PTPRD: variants seen among roughly 807,000 people sequenced by gnomAD.
PTPRD encodes protein tyrosine phosphatase receptor type D, also known as receptor-type tyrosine-protein phosphatase delta.
In PTPRD, 34 loss-of-function variants were observed where a neutral mutation model predicts 214.5. That is an observed-to-expected ratio of 0.16 (90% confidence interval 0.12 to 0.21). PTPRD has a LOEUF of 0.21. Ranked by LOEUF, PTPRD falls within the 10% of genes least tolerant of loss-of-function variation. PTPRD has a pLI of 1.00. For missense variants in PTPRD, 2,545 were observed against 2,398.7 expected (o/e 1.06, Z -1.27); for synonymous variants, 1,128 against 845.7 (o/e 1.33, Z -5.79).
At chr9:10,082,980 A>G (rs2098268785) in intron 3 of PTPRD, among the ~76,000 whole-genome samples, 1 of 152,022 alleles carries the variant, frequency 6.6e-6, no homozygotes, top group South Asian at 2.1e-4. Context: ...AGCCACAACA[A>G]AGACTCAAAA....
rs147590253 is a variant in PTPRD, at chr9:10,096,238, G to A, written c.-544-62448C>T. 9.1e-4 allele frequency among the ~76,000 whole-genome samples: 138 copies of A among 151,760 alleles called. No homozygotes were observed. The Middle Eastern group carries it at 0.01, about 11-fold the overall frequency. ...AGGAAAAGTTACTAAGATATAAATT[G>A]AGATACATATCTGCAATTCTCTTTC... On this transcript the variant is annotated intron_variant, in intron 3 of 45. Coordinates refer to ENST00000381196, the MANE Select transcript of PTPRD (RefSeq NM_002839.4).
chr9:8,843,253 CAA>C (rs899854344), intron 11 of PTPRD, among the ~76,000 whole-genome samples: 1 of 152,186 alleles, frequency 6.6e-6, no homozygotes, highest in African/African-American at 2.4e-5. Context: ...GGTACAAAAT[CAA>C]AGAGTTTGTC....
At chr9:10,455,157 C>T (rs1049704055) in intron 2 of PTPRD, among the ~76,000 whole-genome samples, 1 of 151,724 alleles carries the variant, frequency 6.6e-6, no homozygotes, top group African/African-American at 2.4e-5. Flanking sequence ...TTGACACAAA[C>T]TGATGATGTA....
intron 9 of PTPRD, among the ~76,000 whole-genome samples, chr9:9,378,581 G>A (rs2061398435): frequency 6.6e-6 from 1 of 152,104 alleles, no homozygotes; most frequent in African/African-American, 2.4e-5. Context: ...AGTTTTGTAA[G>A]AAACTGCAAG....
intron 5 of PTPRD, among the ~76,000 whole-genome samples, chr9:9,888,759 C>T (rs2153766120): frequency 6.6e-6 from 1 of 152,146 alleles, no homozygotes; most frequent in African/African-American, 2.4e-5. Context: ...TTGTAAATTG[C>T]CCAGCCTCAA....
At chr9:9,241,792 T>A (rs1185733227) in intron 9 of PTPRD, among the ~76,000 whole-genome samples, 2 of 151,868 alleles carry the variant, frequency 1.3e-5, no homozygotes, top group African/African-American at 4.8e-5. Flanking sequence ...TCTTGACTCT[T>A]TATCCAATTT....
At chr9:9,877,198 T>C (rs373458335) in intron 5 of PTPRD, among the ~76,000 whole-genome samples, 2 of 152,216 alleles carry the variant, frequency 1.3e-5, no homozygotes, top group South Asian at 4.1e-4. Flanking sequence ...TAGTGAGTCA[T>C]GCATCTCCTG....
At chr9:8,656,510 A>T (rs1470218780) in intron 12 of PTPRD, among the ~76,000 whole-genome samples, 1 of 152,084 alleles carries the variant, frequency 6.6e-6, no homozygotes, top group Non-Finnish European at 1.5e-5. Context: ...CAGCTTCAGG[A>T]CCCTTTCCTT....
At chr9:10,240,928 T>A (rs1236222084) in intron 3 of PTPRD, among the ~76,000 whole-genome samples, 1 of 151,332 alleles carries the variant, frequency 6.6e-6, no homozygotes, top group East Asian at 2.0e-4. Context: ...TTCAATTCAA[T>A]ATACAAATTA....
intron 10 of PTPRD, among the ~76,000 whole-genome samples, chr9:9,155,761 A>G (rs147489077): frequency 6.6e-6 from 1 of 152,310 alleles, no homozygotes; most frequent in Non-Finnish European, 1.5e-5. Context: ...AAGAGGTAAC[A>G]CTGCAGTCCT....
At chr9:8,891,374 C>G (rs926409769) in intron 11 of PTPRD, among the ~76,000 whole-genome samples, 1 of 151,760 alleles carries the variant, frequency 6.6e-6, no homozygotes, top group East Asian at 1.9e-4. Flanking sequence ...CCTCGTGATC[C>G]GCCCGCCTCG....
At chr9:8,317,976 A>G (rs201373884) in intron 45 of PTPRD, 34 bp from the exon 46 acceptor site, 2 of 1,583,136 alleles carry the variant, frequency 1.3e-6, no homozygotes, top group Non-Finnish European at 1.7e-6. Flanking sequence ...GAAGCAAAAG[A>G]AGGGACCATG....
chr9:8,798,705 G>A (rs1006936313), intron 11 of PTPRD, among the ~76,000 whole-genome samples: 1 of 152,138 alleles, frequency 6.6e-6, no homozygotes, highest in Non-Finnish European at 1.5e-5. Context: ...ATACAAGAAA[G>A]CTGTGCCTTC....
intron 38 of PTPRD, among the ~76,000 whole-genome samples, 198 bp from the exon 39 acceptor site, chr9:8,376,288 A>C (rs951592675): frequency 3.3e-5 from 5 of 152,074 alleles, no homozygotes; most frequent in African/African-American, 1.2e-4. Flanking sequence ...GGAAGACAAA[A>C]TTCTTAGGTG....
At chr9:10,067,388 G>A (rs2097905820) in intron 3 of PTPRD, among the ~76,000 whole-genome samples, 1 of 151,792 alleles carries the variant, frequency 6.6e-6, no homozygotes, top group Non-Finnish European at 1.5e-5. Context: ...TTTTAAAACT[G>A]TCATCAGTTT....
At chr9:8,696,368 A>G (rs905932185) in intron 12 of PTPRD, among the ~76,000 whole-genome samples, 1 of 152,226 alleles carries the variant, frequency 6.6e-6, no homozygotes, top group Non-Finnish European at 1.5e-5. Flanking sequence ...TCAAATGTTT[A>G]TTGAACACCT....
intron 5 of PTPRD, among the ~76,000 whole-genome samples, chr9:9,887,342 C>A (rs1402688064): frequency 6.6e-6 from 1 of 152,054 alleles, no homozygotes; most frequent in Non-Finnish European, 1.5e-5. Context: ...GATATGAATC[C>A]TCAAGAGAAA....
At chr9:10,572,002 G>C (rs1055626790) in intron 2 of PTPRD, among the ~76,000 whole-genome samples, 1 of 152,124 alleles carries the variant, frequency 6.6e-6, no homozygotes, top group Admixed American at 6.6e-5. Flanking sequence ...CCTGATATAA[G>C]AGGCTTTGAA....
intron 3 of PTPRD, among the ~76,000 whole-genome samples, chr9:10,203,505 C>G (rs966084664): frequency 6.6e-6 from 1 of 151,984 alleles, no homozygotes; most frequent in African/African-American, 2.4e-5. Flanking sequence ...GAGGGTAAGG[C>G]ATCTATATTT....
Sources: gnomAD v4.1 joint callset for allele counts (sites outside exome capture counted in the v4.1 genomes callset) on GRCh38, gnomAD v4.1.1 for gene constraint, MANE v1.5 for transcripts, NCBI Gene and HGNC (gene_info 2026-07-23, HGNC 2026-07-21) for gene names.